EYS: variants seen among roughly 807,000 people sequenced by gnomAD.
The protein encoded by EYS is EGF-like photoreceptor maintenance factor.
In EYS, 250 loss-of-function variants were observed where a neutral mutation model predicts 282.1. That is an observed-to-expected ratio of 0.89 (90% CI 0.80 to 0.98). The LOEUF (loss-of-function observed/expected upper bound fraction) is 0.98. EYS is among the 50% of genes least tolerant of loss of function. EYS has a pLI of 0.00. For missense variants in EYS, 4,016 were observed against 3,709.0 expected (o/e 1.08, Z -2.15); for synonymous variants, 1,355 against 1,282.9 (o/e 1.06, Z -1.20).
chr6:64,802,199 A>G (rs145602337), intron 22 of EYS, among the ~76,000 whole-genome samples: 6,639 of 151,268 alleles, frequency 0.044, 171 homozygotes, highest in East Asian at 0.073. Context: ...ATGCCCGGCT[A>G]ATATTTTTTA....
intron 2 of EYS, among the ~76,000 whole-genome samples, chr6:65,628,463 G>T (rs1171654301): frequency 6.6e-6 from 1 of 152,132 alleles, no homozygotes; most frequent in African/African-American, 2.4e-5. Context: ...GCAACCCCCT[G>T]GGGTCCCCTT....
At chr6:64,095,621 G>A (rs1772568804) in intron 31 of EYS, among the ~76,000 whole-genome samples, 1 of 150,996 alleles carries the variant, frequency 6.6e-6, no homozygotes, top group Non-Finnish European at 1.5e-5. Context: ...ATCTTCCTCT[G>A]TCCCTTTATT....
intron 26 of EYS, among the ~76,000 whole-genome samples, chr6:64,554,331 T>C (rs1288478769): frequency 1.3e-5 from 2 of 152,112 alleles, no homozygotes; most frequent in Non-Finnish European, 2.9e-5. Context: ...AGTATTCCAA[T>C]TTGTTTCATT....
intron 12 of EYS, among the ~76,000 whole-genome samples, chr6:65,120,460 CAAAAAAA>C (rs67505285): frequency 8.9e-4 from 61 of 68,268 alleles, no homozygotes; most frequent in African/African-American, 1.6e-3. Context: ...TTTAAATAAG[CAAAAAAA>C]AAAAAAAAAA....
At chr6:63,843,471 G>A (rs1167904667) in intron 36 of EYS, among the ~76,000 whole-genome samples, 1 of 152,168 alleles carries the variant, frequency 6.6e-6, no homozygotes, top group Non-Finnish European at 1.5e-5. Context: ...AGACTTTGCT[G>A]AAGTTGCTTA....
chr6:63,880,857 T>C (rs1397030135), intron 35 of EYS, among the ~76,000 whole-genome samples: 2 of 152,222 alleles, frequency 1.3e-5, no homozygotes, highest in Non-Finnish European at 2.9e-5. Flanking sequence ...TCAGTTGACA[T>C]GATGTTAAAA....
intron 22 of EYS, among the ~76,000 whole-genome samples, chr6:64,781,697 T>A (rs1485833019): frequency 6.6e-6 from 1 of 152,214 alleles, no homozygotes; most frequent in Non-Finnish European, 1.5e-5. Context: ...TGTTGGTTGA[T>A]GACTGCTATC....
chr6:64,485,605 T>A (rs1776558433), intron 26 of EYS, among the ~76,000 whole-genome samples: 1 of 151,500 alleles, frequency 6.6e-6, no homozygotes, highest in African/African-American at 2.4e-5. Context: ...CTAGCAGAAA[T>A]CCAGAGAACA....
At chr6:64,459,491 T>C (rs1775672032) in intron 26 of EYS, among the ~76,000 whole-genome samples, 1 of 152,194 alleles carries the variant, frequency 6.6e-6, no homozygotes, top group Non-Finnish European at 1.5e-5. Flanking sequence ...CAAGGTGAAG[T>C]ACCACAATAG....
chr6:65,337,442 G>T (rs1770030819), intron 10 of EYS, among the ~76,000 whole-genome samples: 1 of 150,932 alleles, frequency 6.6e-6, no homozygotes, highest in African/African-American at 2.4e-5. Context: ...TTTATAACTG[G>T]CTTACAAATT....
chr6:64,169,783 C>T (rs755656625), intron 31 of EYS, among the ~76,000 whole-genome samples: 4 of 151,762 alleles, frequency 2.6e-5, no homozygotes, highest in African/African-American at 7.3e-5. Context: ...TCAGCCTTCT[C>T]CTACAGAAAC....
At position 64,959,875 on chromosome 6, in the gene EYS, ATTT is replaced by A. The variant is rs35264278; in HGVS notation, c.2260-13964_2260-13962del. On this transcript the variant is annotated intron_variant, in intron 14 of 42. Transcript: ENST00000503581. Reference sequence around the variant, plus strand: ...ACAGTTAAGTAGTTCACGACTCAGGATTTTTTTTTTTTTTTTTTTTTTTTAAGA... The same window carrying A: ...ACAGTTAAGTAGTTCACGACTCAGGATTTTTTTTTTTTTTTTTTTTTAAGA... 3.1e-4 allele frequency among the ~76,000 whole-genome samples: 37 copies of A among 119,218 alleles called. No individual in the cohort carries two copies. In the South Asian group the frequency reaches 6.9e-3, roughly 22 times the overall value. 78.2% of individuals were successfully genotyped at this position (119,218 alleles called of 152,430 possible). A position where few individuals can be genotyped will look rare whatever the true frequency, so the allele number is the denominator to read the frequency against.
intron 29 of EYS, among the ~76,000 whole-genome samples, chr6:64,330,931 A>T (rs1770623900): frequency 6.6e-6 from 1 of 152,180 alleles, no homozygotes; most frequent in African/African-American, 2.4e-5. Flanking sequence ...TGTTGTGTGG[A>T]AACAGTGGAT....
chr6:64,131,118 TG>T, intron 31 of EYS, among the ~76,000 whole-genome samples: 1 of 151,786 alleles, frequency 6.6e-6, no homozygotes, highest in Admixed American at 6.6e-5. Context: ...CTCCCCCCCT[TG>T]GCCTCCCAAA....
chr6:64,894,754 G>A (rs1046761171), intron 18 of EYS, among the ~76,000 whole-genome samples: 1 of 152,090 alleles, frequency 6.6e-6, no homozygotes, highest in African/African-American at 2.4e-5. Context: ...CATTTTAGGA[G>A]TTGCTGAATA....
At chr6:63,841,035 A>G (rs1354320995) in intron 36 of EYS, among the ~76,000 whole-genome samples, 1 of 152,202 alleles carries the variant, frequency 6.6e-6, no homozygotes, top group African/African-American at 2.4e-5. Context: ...GATAATTTCT[A>G]GTACTAAGAA....
In EYS at chr6:65,174,577, C is replaced by A. The variant is rs191082588; in HGVS notation, c.2024-116850G>T. ...AGTTGGAAAAAGTTTGTGAATAATACCAAGAACAAAATGTCTTAAAAGATT... is the reference window on the plus strand; with the variant it reads ...AGTTGGAAAAAGTTTGTGAATAATAACAAGAACAAAATGTCTTAAAAGATT... On this transcript the variant is annotated intron_variant, in intron 12 of 42. Coordinates refer to ENST00000503581, the MANE Select transcript of EYS (RefSeq NM_001142800.2). Among the ~76,000 whole-genome samples, 17 of 151,188 alleles carry A rather than the reference C, an allele frequency of 1.1e-4. No homozygotes were observed. In the East Asian group the frequency reaches 2.7e-3, roughly 24 times the overall value.
At chr6:64,423,922 A>G (rs535284476) in intron 28 of EYS, among the ~76,000 whole-genome samples, 1 of 152,332 alleles carries the variant, frequency 6.6e-6, no homozygotes, top group South Asian at 2.1e-4. Flanking sequence ...ATATGAACAC[A>G]ATCACTTTTG....
At chr6:64,134,974 T>A (rs187779062) in intron 31 of EYS, among the ~76,000 whole-genome samples, 2 of 152,226 alleles carry the variant, frequency 1.3e-5, no homozygotes, top group Admixed American at 6.5e-5. Context: ...GGCAGAAAGT[T>A]AAATACATTT....
Sources: allele counts gnomAD v4.1 joint callset (sites outside exome capture counted in the v4.1 genomes callset), GRCh38; gene constraint gnomAD v4.1.1; transcripts MANE v1.5; gene names NCBI Gene and HGNC (gene_info 2026-07-23, HGNC 2026-07-21).